The following LDB2 variants were observed in gnomAD, a reference collection of about 807,000 sequenced individuals.
LDB2 encodes LIM domain-binding protein 2.
LDB2 carries 12 observed loss-of-function variants against 44.3 expected under a neutral mutation model. The ratio of observed to expected loss-of-function variants is 0.27; its 90% CI spans 0.17 to 0.44. The LOEUF (loss-of-function observed/expected upper bound fraction) is 0.44. LDB2 is among the 20% of genes least tolerant of loss of function. The probability of loss-of-function intolerance (pLI) is 1.00; values close to 1 mark genes in which losing one functional copy is unlikely to be tolerated. For missense variants in LDB2, 344 were observed against 473.5 expected (o/e 0.73, Z 2.54); for synonymous variants, 164 against 174.8 (o/e 0.94, Z 0.49).
chr4:16,780,677 C>T (rs1773006432), intron 1 of LDB2, among the ~76,000 whole-genome samples: 1 of 151,910 alleles, frequency 6.6e-6, no homozygotes, highest in Non-Finnish European at 1.5e-5. Context: ...TATTTTCTCT[C>T]AATTTTACAA....
chr4:16,666,873 A>C (rs1411752792), intron 2 of LDB2, among the ~76,000 whole-genome samples: 1 of 152,144 alleles, frequency 6.6e-6, no homozygotes, highest in African/African-American at 2.4e-5. Context: ...GTTTTTTTAA[A>C]ATGGAGGAAA....
chr4:16,642,737 C>G (rs549405308), intron 2 of LDB2, among the ~76,000 whole-genome samples: 1 of 152,240 alleles, frequency 6.6e-6, no homozygotes, highest in South Asian at 2.1e-4. Flanking sequence ...ATTATTGCCC[C>G]TCTTAGATTA....
intron 5 of LDB2, among the ~76,000 whole-genome samples, chr4:16,525,782 G>T (rs571589105): frequency 1.3e-5 from 2 of 152,304 alleles, no homozygotes; most frequent in Admixed American, 1.3e-4. Flanking sequence ...AAAAGGTAAC[G>T]TAGGGAAGAG....
chr4:16,598,610 A>G (rs1721705369), intron 2 of LDB2, among the ~76,000 whole-genome samples: 1 of 152,194 alleles, frequency 6.6e-6, no homozygotes, highest in Non-Finnish European at 1.5e-5. Context: ...TTAATGTGTC[A>G]ATAGATAACT....
At chr4:16,705,704 AT>A (rs1243845167) in intron 2 of LDB2, among the ~76,000 whole-genome samples, 1 of 152,120 alleles carries the variant, frequency 6.6e-6, no homozygotes, top group African/African-American at 2.4e-5. Context: ...CTTTTTACAA[AT>A]TTCATTGTCC....
At chr4:16,527,315 T>C (rs1418489744) in intron 5 of LDB2, among the ~76,000 whole-genome samples, 1 of 151,976 alleles carries the variant, frequency 6.6e-6, no homozygotes, top group African/African-American at 2.4e-5. Context: ...AGAAGATGAG[T>C]TCAGAGAGAT....
intron 1 of LDB2, among the ~76,000 whole-genome samples, chr4:16,848,680 A>T (rs1225904396): frequency 1.3e-5 from 2 of 152,214 alleles, no homozygotes; most frequent in Non-Finnish European, 2.9e-5. Context: ...CCATCTAGGT[A>T]ACCCCCATCT....
chr4:16,592,479 T>C lies in LDB2; in HGVS notation c.408+3224A>G, dbSNP rs868126293. Among the ~76,000 whole-genome samples, 81 of 119,788 alleles carry C rather than the reference T, an allele frequency of 6.8e-4. 2 individuals are homozygous for C. Among genetic ancestry groups the C allele is most frequent in the African/African-American group, 1.5e-3 (46 of 30,366 alleles). The allele number at this position is 119,788 out of a possible 152,430, so 78.6% of individuals were successfully genotyped here. A position where few individuals can be genotyped will look rare whatever the true frequency, so the allele number is the denominator to read the frequency against. On this transcript the variant is annotated intron_variant, in intron 3 of 7. Transcript: ENST00000304523. ...CATTATACATACATATATATATATA[T>C]ATATATATATATATATATATATATA...
chr4:16,588,169 C>T (rs754511344), intron 4 of LDB2, among the ~76,000 whole-genome samples: 3 of 152,050 alleles, frequency 2.0e-5, no homozygotes, highest in Non-Finnish European at 4.4e-5. Flanking sequence ...AATTTGTGCT[C>T]AATAAATTTG....
intron 1 of LDB2, among the ~76,000 whole-genome samples, chr4:16,892,184 G>A (rs1201423263): frequency 6.6e-6 from 1 of 152,152 alleles, no homozygotes; most frequent in Non-Finnish European, 1.5e-5. Flanking sequence ...GATACACCGT[G>A]TATTAACCTA....
intron 3 of LDB2, among the ~76,000 whole-genome samples, chr4:16,589,468 G>T (rs1161447642): frequency 6.6e-6 from 1 of 151,846 alleles, no homozygotes; most frequent in African/African-American, 2.4e-5. Flanking sequence ...TAGGGGGATG[G>T]GACACTTTAT....
At chr4:16,659,669 G>GTGTGTGTATATATATATATATATATATA (rs1740942970) in intron 2 of LDB2, among the ~76,000 whole-genome samples, 3 of 69,478 alleles carry the variant, frequency 4.3e-5, no homozygotes, top group African/African-American at 1.5e-4. Context: ...ATATCTATGT[G>GTGTGTGTATATATATATATATATATATA]TGTATATATA....
At chr4:16,667,216 C>T (rs1019477717) in intron 2 of LDB2, among the ~76,000 whole-genome samples, 28 of 152,140 alleles carry the variant, frequency 1.8e-4, no homozygotes, top group African/African-American at 6.3e-4. Context: ...CTAGTATCTT[C>T]CAGAACCAAG....
intron 5 of LDB2, among the ~76,000 whole-genome samples, chr4:16,585,083 A>G (rs996570943): frequency 2.6e-5 from 4 of 152,126 alleles, no homozygotes; most frequent in Admixed American, 6.5e-5. Context: ...AGCCTTCTGG[A>G]TTGTGGAGAG....
At chr4:16,570,973 A>C (rs1039500636) in intron 5 of LDB2, among the ~76,000 whole-genome samples, 1 of 152,202 alleles carries the variant, frequency 6.6e-6, no homozygotes, top group Admixed American at 6.5e-5. Flanking sequence ...AAGGCTCTAC[A>C]GCTAGTTAAG....
chr4:16,662,063 A>C (rs190127144), intron 2 of LDB2, among the ~76,000 whole-genome samples: 1 of 152,314 alleles, frequency 6.6e-6, no homozygotes, highest in Admixed American at 6.5e-5. Context: ...GAAGGAAAAG[A>C]GGGCAACTGA....
chr4:16,821,625 G>A (rs1205095585), intron 1 of LDB2, among the ~76,000 whole-genome samples: 7 of 149,968 alleles, frequency 4.7e-5, no homozygotes, highest in East Asian at 2.0e-4. Flanking sequence ...TCCTAATCTC[G>A]TGATCTGCCC....
intron 2 of LDB2, among the ~76,000 whole-genome samples, chr4:16,697,287 A>ACACACACACACACACT: frequency 6.6e-6 from 1 of 150,938 alleles, no homozygotes; most frequent in Non-Finnish European, 1.5e-5. Context: ...ACACACACAC[A>ACACACACACACACACT]CACACACACA....
At chr4:16,750,007 A>ATT (rs145739292) in intron 2 of LDB2, among the ~76,000 whole-genome samples, 2 of 152,018 alleles carry the variant, frequency 1.3e-5, no homozygotes, top group African/African-American at 4.8e-5. Flanking sequence ...TTTTAATTCT[A>ATT]TTTTTGTCAT....
Sources: gnomAD v4.1 joint callset for allele counts (sites outside exome capture counted in the v4.1 genomes callset) on GRCh38, gnomAD v4.1.1 for gene constraint, MANE v1.5 for transcripts, NCBI Gene and HGNC (gene_info 2026-07-23, HGNC 2026-07-21) for gene names.